Variants in KCNMA1 observed in about 807,000 individuals in gnomAD.
KCNMA1 encodes Calcium-activated potassium channel subunit alpha-1.
Under a neutral mutation model 140.0 loss-of-function variants are expected in KCNMA1, and 29 were observed. The ratio of observed to expected loss-of-function variants is 0.21; its 90% CI spans 0.15 to 0.28. KCNMA1 has a LOEUF of 0.28. Among genes scored for constraint, KCNMA1 ranks in the 10% least tolerant of loss-of-function variants. KCNMA1 has a pLI of 1.00. For synonymous variants in KCNMA1, 612 were observed against 611.9 expected (o/e 1.00, Z 0.00); for missense variants, 880 against 1,602.2 (o/e 0.55, Z 7.70).
intron 18 of KCNMA1, among the ~76,000 whole-genome samples, chr10:77,007,651 G>GTGTGTGTGTGTATA (rs1555100531): frequency 1.2e-4 from 1 of 8,398 alleles, no homozygotes; most frequent in African/African-American, 6.1e-4. Context: ...TATTGTGTGT[G>GTGTGTGTGTGTATA]TGTATATATA....
rs763498367 is a variant in KCNMA1, at chr10:76,969,979, C to T, written c.2355G>A (p.Leu785=). 4 of 1,612,998 alleles carry T rather than the reference C, an allele frequency of 2.5e-6. No individual in the cohort carries two copies. The East Asian group carries it at 8.9e-5, about 36-fold the overall frequency. ...CAACCAGCCCCTCTCCTTACCTCAT[C>T]AGCTTAGGCGAGGTGTTGGGTGAGT... The part of the protein sequence containing the change: ...MRNSPNTSPK[L]MRHDPLLIPG... The change falls in exon 20 of 28, where the codon CTG becomes CTA. Residue 785 remains leucine (L), a synonymous_variant. Coordinates refer to ENST00000286628, the MANE Select transcript of KCNMA1 (RefSeq NM_001161352.2).
intron 3 of KCNMA1, among the ~76,000 whole-genome samples, chr10:77,185,261 A>T (rs1414027926): frequency 1.3e-5 from 2 of 152,106 alleles, no homozygotes; most frequent in African/African-American, 4.8e-5. Flanking sequence ...CCTTAATTTC[A>T]TATTAACCCT....
rs78326503 is a variant in KCNMA1, at chr10:77,288,677, A to G, written c.541-37421T>C. Among the ~76,000 whole-genome samples the G allele has an allele frequency of 2.1e-3, 316 of 152,294 alleles. 1 individual carries two copies. Among genetic ancestry groups the G allele is most frequent in the African/African-American group, 7.1e-3 (294 of 41,556 alleles). ...ACTAGGAATCATGTGGTCTGTCTCC[A>G]GAAATGCTGCTTTTAACTACTCAAC... On this transcript the variant is annotated intron_variant, in intron 2 of 27. Coordinates refer to ENST00000286628, the MANE Select transcript of KCNMA1 (RefSeq NM_001161352.2).
chr10:77,583,608 C>T (rs943366805), intron 1 of KCNMA1, among the ~76,000 whole-genome samples: 5 of 152,252 alleles, frequency 3.3e-5, no homozygotes, highest in Admixed American at 3.3e-4. Flanking sequence ...ACTGACTCTT[C>T]CTCCTCTGAT....
chr10:77,030,266 T>C (rs2093834100), intron 15 of KCNMA1, among the ~76,000 whole-genome samples: 1 of 152,230 alleles, frequency 6.6e-6, no homozygotes, highest in Non-Finnish European at 1.5e-5. Context: ...AACACACATA[T>C]CCAACTACAG....
At chr10:77,165,916 C>T (rs748624680) in intron 5 of KCNMA1, among the ~76,000 whole-genome samples, 14 of 152,316 alleles carry the variant, frequency 9.2e-5, no homozygotes, top group African/African-American at 3.1e-4. Context: ...TCCTACTTTC[C>T]TTCACTAGGT....
At chr10:77,417,648 C>T (rs1274233254) in intron 1 of KCNMA1, among the ~76,000 whole-genome samples, 1 of 152,250 alleles carries the variant, frequency 6.6e-6, no homozygotes, top group Non-Finnish European at 1.5e-5. Context: ...AAGGATTTGT[C>T]CCGTGCCAGG....
intron 5 of KCNMA1, among the ~76,000 whole-genome samples, chr10:77,156,960 C>T (rs964628840): frequency 1.3e-5 from 2 of 152,138 alleles, no homozygotes; most frequent in Non-Finnish European, 2.9e-5. Flanking sequence ...TCCTAACCTC[C>T]TAGCCTTTGG....
intron 23 of KCNMA1, among the ~76,000 whole-genome samples, chr10:76,933,502 G>A (rs896961280): frequency 1.3e-5 from 2 of 152,204 alleles, no homozygotes; most frequent in Non-Finnish European, 2.9e-5. Context: ...TACACAAATA[G>A]CCAGGTGACC....
At chr10:77,009,069 A>G (rs909288769) in intron 18 of KCNMA1, among the ~76,000 whole-genome samples, 3 of 152,170 alleles carry the variant, frequency 2.0e-5, no homozygotes, top group African/African-American at 7.2e-5. Flanking sequence ...ATATTCAGAC[A>G]ATTCTGATTG....
intron 2 of KCNMA1, among the ~76,000 whole-genome samples, chr10:77,311,191 C>T (rs1565898743): frequency 6.6e-6 from 1 of 152,158 alleles, no homozygotes; most frequent in African/African-American, 2.4e-5. Flanking sequence ...ATGCCCACTC[C>T]ACATTACCAA....
At chr10:77,473,804 T>C (rs1247644245) in intron 1 of KCNMA1, among the ~76,000 whole-genome samples, 1 of 152,114 alleles carries the variant, frequency 6.6e-6, no homozygotes, top group African/African-American at 2.4e-5. Flanking sequence ...AAAATAAGAT[T>C]CCCAGAGTCC....
chr10:76,941,232 G>A (rs1157220303), intron 23 of KCNMA1, among the ~76,000 whole-genome samples: 1 of 151,934 alleles, frequency 6.6e-6, no homozygotes, highest in Non-Finnish European at 1.5e-5. Flanking sequence ...AAAAAATGGA[G>A]AGTAACATGA....
chr10:77,589,998 C>A (rs955326797), intron 1 of KCNMA1, among the ~76,000 whole-genome samples: 3 of 152,124 alleles, frequency 2.0e-5, no homozygotes, highest in Non-Finnish European at 4.4e-5. Context: ...GTTCACAATC[C>A]CTGAGCTAGA....
chr10:77,473,327 G>A (rs890816928), intron 1 of KCNMA1, among the ~76,000 whole-genome samples: 1 of 152,188 alleles, frequency 6.6e-6, no homozygotes, highest in African/African-American at 2.4e-5. Context: ...TCTGAGAAAC[G>A]GAGCAGTGAA....
intron 1 of KCNMA1, among the ~76,000 whole-genome samples, chr10:77,432,172 T>C (rs2097169112): frequency 6.6e-6 from 1 of 152,204 alleles, no homozygotes; most frequent in South Asian, 2.1e-4. Flanking sequence ...TGGGATAAAG[T>C]AGTGCTTAAT....
At chr10:77,384,592 C>T (rs773825527) in intron 2 of KCNMA1, among the ~76,000 whole-genome samples, 3 of 152,196 alleles carry the variant, frequency 2.0e-5, no homozygotes, top group Non-Finnish European at 4.4e-5. Flanking sequence ...AAAATAAAGC[C>T]ACTCTTGCCA....
chr10:77,470,824 G>T (rs1379206623), intron 1 of KCNMA1, among the ~76,000 whole-genome samples: 1 of 152,142 alleles, frequency 6.6e-6, no homozygotes, highest in African/African-American at 2.4e-5. Flanking sequence ...CTAGGCATTT[G>T]TTTTGTCCAA....
intron 12 of KCNMA1, among the ~76,000 whole-genome samples, chr10:77,080,621 A>G (rs1319972607): frequency 6.6e-6 from 1 of 152,180 alleles, no homozygotes; most frequent in African/African-American, 2.4e-5. Context: ...GCCCCTTGGA[A>G]TGCATTGGAG....
Sources: gnomAD v4.1 joint callset for allele counts (sites outside exome capture counted in the v4.1 genomes callset) on GRCh38, gnomAD v4.1.1 for gene constraint, MANE v1.5 for transcripts, NCBI Gene and HGNC (gene_info 2026-07-23, HGNC 2026-07-21) for gene names.